UGT1A9: variants seen among roughly 807,000 people sequenced by gnomAD.
The protein encoded by UGT1A9 is UDP-glucuronosyltransferase 1A9.
A neutral mutation model predicts 45.0 loss-of-function variants in UGT1A9; 35 were observed. The observed-to-expected ratio is 0.78, with a 90% CI of 0.59 to 1.03. The LOEUF (loss-of-function observed/expected upper bound fraction) is 1.03, where lower values mean the gene tolerates loss of function less well. Among genes scored for constraint, UGT1A9 ranks in the 50% least tolerant of loss-of-function variants. The pLI, the probability that UGT1A9 is intolerant of heterozygous loss-of-function variation, is 0.00. For missense variants in UGT1A9, 687 were observed against 666.6 expected, an observed-to-expected ratio of 1.03 and a Z score of -0.34; for synonymous variants, 278 against 250.6, an observed-to-expected ratio of 1.11 and a Z score of -1.03.
At position 233,772,766 on chromosome 2, in the gene UGT1A9, C is replaced by T. The variant is rs910513508; in HGVS notation, c.*207C>T. 4 of 1,374,588 alleles carry T rather than the reference C, an allele frequency of 2.9e-6. No individual in the cohort carries two copies. Among genetic ancestry groups the T allele is most frequent in the Non-Finnish European group, 3.8e-6 (4 of 1,047,350 alleles). 85.1% of individuals were successfully genotyped at this position (1,374,588 alleles called of 1,614,324 possible). ...AGATATTTGAATATGTATCGTGCCC[C>T]CTCTGGTGTCTTTGATCAGGATGAC... On this transcript the variant is annotated 3_prime_UTR_variant, in exon 5 of 5. Transcript: ENST00000354728.
chr2:233,735,695 G>A (rs1439239319), intron 1 of UGT1A9, among the ~76,000 whole-genome samples: 1 of 151,962 alleles, frequency 6.6e-6, no homozygotes, highest in Non-Finnish European at 1.5e-5. Flanking sequence ...GCTCTTGTAA[G>A]GCAGGCCTGG....
intron 1 of UGT1A9, among the ~76,000 whole-genome samples, chr2:233,734,944 A>G (rs2125789898): frequency 6.6e-6 from 1 of 152,282 alleles, no homozygotes; most frequent in Middle Eastern, 3.4e-3. Context: ...TCATATGGTC[A>G]GTTTTAGAAT....
chr2:233,734,616 T>C (rs2078540988), intron 1 of UGT1A9, among the ~76,000 whole-genome samples: 1 of 152,220 alleles, frequency 6.6e-6, no homozygotes, highest in Admixed American at 6.5e-5. Context: ...AGTGTGTTGA[T>C]TTTAGATCTT....
chr2:233,767,739 GT>G, intron 2 of UGT1A9, 109 bp from the exon 3 acceptor site: 1 of 1,578,058 alleles, frequency 6.3e-7, no homozygotes, highest in Non-Finnish European at 8.6e-7. Flanking sequence ...CTCCCACTCT[GT>G]TAAAGACTGT....
chr2:233,759,046 C>T (rs1422861422), intron 1 of UGT1A9, among the ~76,000 whole-genome samples: 1 of 152,150 alleles, frequency 6.6e-6, no homozygotes, highest in Non-Finnish European at 1.5e-5. Flanking sequence ...CTGTTGTGAA[C>T]AAAAGTTCTC....
intron 1 of UGT1A9, among the ~76,000 whole-genome samples, chr2:233,725,070 G>T (rs1181179601): frequency 6.9e-6 from 1 of 145,128 alleles, no homozygotes; most frequent in Non-Finnish European, 1.5e-5. Context: ...GCCTGCAATC[G>T]CAGGCACTCG....
chr2:233,747,400 C>A (rs1293984424), intron 1 of UGT1A9: 3 of 1,606,860 alleles, frequency 1.9e-6, no homozygotes, highest in Non-Finnish European at 2.6e-6. Flanking sequence ...GTCCTCACCC[C>A]AGAGGTGAAT....
chr2:233,691,773 A>C, intron 1 of UGT1A9: 3 of 342,282 alleles, frequency 8.8e-6, no homozygotes, highest in Non-Finnish European at 1.2e-5. Context: ...TAGGATTCTC[A>C]CCACGTACTG....
rs34150486 is a variant in UGT1A9, at chr2:233,743,623, G to C, written c.856-23411G>C. The stretch of plus-strand genomic sequence containing the variant: ...GGCCGCCGAAGAACTCCCTGAAGAC[G>C]TCGGCTGGGTCGCGGAAGCTGAAGA... On this transcript the variant is annotated intron_variant, in intron 1 of 4. Coordinates refer to ENST00000354728, the MANE Select transcript of UGT1A9 (RefSeq NM_021027.3). The C allele has an allele frequency of 7.3e-5, 100 of 1,367,326 alleles. 1 individual carries two copies. In the East Asian group the frequency reaches 1.5e-3, roughly 20 times the overall value. The allele number at this position is 1,367,326 out of a possible 1,614,324, so 84.7% of individuals were successfully genotyped here. A position where few individuals can be genotyped will look rare whatever the true frequency, so the allele number is the denominator to read the frequency against.
In UGT1A9 at chr2:233,672,490, C is replaced by T. The variant is rs2074228954; in HGVS notation, c.556C>T (p.Pro186Ser). ...TGAAGAAGGTGCACAGTGCCCTGCTCCTCTTTCCTATGTCCCCAGAATTCT... is the reference window on the plus strand; with the variant it reads ...TGAAGAAGGTGCACAGTGCCCTGCTTCTCTTTCCTATGTCCCCAGAATTCT... ...YLEEGAQCPA[P>S]LSYVPRILLG... is the part of the protein sequence containing the mutation. Residue 186 changes from proline to serine, a missense_variant, in exon 1 of 5, where the codon CCT (proline) becomes TCT (serine). Pro to Ser is a moderately conservative substitution (Grantham distance 74). Coordinates refer to ENST00000354728, the MANE Select transcript of UGT1A9 (RefSeq NM_021027.3). 1.2e-6 allele frequency: 2 copies of T among 1,613,940 alleles called. No individual in the cohort carries two copies. The highest frequency in any genetic ancestry group is 1.7e-6 in the Non-Finnish European group (2 of 1,179,844).
At chr2:233,735,728 T>G (rs1486359906) in intron 1 of UGT1A9, among the ~76,000 whole-genome samples, 42 of 152,184 alleles carry the variant, frequency 2.8e-4, no homozygotes, top group Admixed American at 2.7e-3. Context: ...CTCTCAGCAT[T>G]TGCTTGTCTA....
chr2:233,748,554 C>G (rs1045487950), intron 1 of UGT1A9, among the ~76,000 whole-genome samples: 1 of 151,692 alleles, frequency 6.6e-6, no homozygotes, highest in African/African-American at 2.4e-5. Context: ...CCTAAGCACT[C>G]GCAGGAAGTA....
chr2:233,698,492 T>C lies in UGT1A9; in HGVS notation c.855+25703T>C, dbSNP rs1274345371. ...GATTTATAGCTTAAAAATGCAGTCC[T>C]CATTAGGCAAATCACATAATCGGCA... On this transcript the variant is annotated intron_variant, in intron 1 of 4. Transcript: ENST00000354728. Among the ~76,000 whole-genome samples, 3 of 152,190 alleles carry C rather than the reference T, an allele frequency of 2.0e-5. No individual in the cohort carries two copies. The East Asian group carries it at 5.8e-4, about 29-fold the overall frequency.
At chr2:233,696,873 C>A (rs993552389) in intron 1 of UGT1A9, among the ~76,000 whole-genome samples, 1 of 152,154 alleles carries the variant, frequency 6.6e-6, no homozygotes, top group African/African-American at 2.4e-5. Flanking sequence ...TCAGCATCTA[C>A]AACATATGAG....
intron 1 of UGT1A9, among the ~76,000 whole-genome samples, chr2:233,745,836 TTTC>T (rs746165208): frequency 1.3e-4 from 19 of 151,248 alleles, no homozygotes; most frequent in Admixed American, 7.2e-4. Flanking sequence ...GACTCTGAAT[TTTC>T]TTCTGTGCCC....
At chr2:233,730,117 G>A (rs1389135246) in intron 1 of UGT1A9, 17 of 1,556,656 alleles carry the variant, frequency 1.1e-5, no homozygotes, top group Non-Finnish European at 1.5e-5. Context: ...GCTTCTCCTT[G>A]TCATAATAGC....
At chr2:233,743,515 C>G in intron 1 of UGT1A9, 2 of 1,367,292 alleles carry the variant, frequency 1.5e-6, no homozygotes, top group African/African-American at 1.5e-5. Flanking sequence ...AGACGCTCTG[C>G]TTCTGCTTCC....
At chr2:233,691,284 A>G (rs555799821) in intron 1 of UGT1A9, 1 of 985,524 alleles carries the variant, frequency 1.0e-6, no homozygotes, top group Non-Finnish European at 1.2e-6. Context: ...GACTTTGATC[A>G]TTGTAAGCTG....
At chr2:233,760,448 GA>G in intron 1 of UGT1A9, 1 of 1,614,238 alleles carries the variant, frequency 6.2e-7, no homozygotes, top group East Asian at 2.2e-5. Context: ...CAGCAGAGGG[GA>G]CATGAAATAG....
Sources: allele counts gnomAD v4.1 joint callset (sites outside exome capture counted in the v4.1 genomes callset), GRCh38; gene constraint gnomAD v4.1.1; transcripts MANE v1.5; gene names NCBI Gene and HGNC (gene_info 2026-07-23, HGNC 2026-07-21).